Variants in LANCL2 observed in about 807,000 individuals in gnomAD.
The protein encoded by LANCL2 is lanC-like protein 2.
A neutral mutation model predicts 56.9 loss-of-function variants in LANCL2; 33 were observed. The observed-to-expected ratio is 0.58, with a 90% CI of 0.44 to 0.78. The LOEUF is 0.78. Ranked by LOEUF, LANCL2 falls within the 30% of genes least tolerant of loss-of-function variation. The probability of loss-of-function intolerance (pLI) is 0.00; values close to 1 mark genes in which losing one functional copy is unlikely to be tolerated. For synonymous variants in LANCL2, 233 were observed against 228.2 expected, an observed-to-expected ratio of 1.02 and a Z score of -0.19; for missense variants, 562 against 580.2, an observed-to-expected ratio of 0.97 and a Z score of 0.32.
At chr7:55,423,707 G>A (rs1168424653) in intron 6 of LANCL2, among the ~76,000 whole-genome samples, 2 of 152,178 alleles carry the variant, frequency 1.3e-5, no homozygotes, top group African/African-American at 4.8e-5. Context: ...AGCCACTGAG[G>A]TGAAGGAATG....
chr7:55,374,029 C>T (rs572647603), intron 1 of LANCL2, among the ~76,000 whole-genome samples: 2 of 152,156 alleles, frequency 1.3e-5, no homozygotes, highest in Non-Finnish European at 2.9e-5. Context: ...AAAATGAAAC[C>T]TAACTTTTCA....
At chr7:55,428,233 G>A (rs1231436786) in intron 7 of LANCL2, 142 bp from the exon 8 acceptor site, 5 of 699,076 alleles carry the variant, frequency 7.2e-6, no homozygotes, top group Non-Finnish European at 1.3e-5. Context: ...AAGAGGGGGT[G>A]CAGTAGCCCA....
chr7:55,413,421 C>T (rs913517879), intron 6 of LANCL2, among the ~76,000 whole-genome samples: 3 of 152,204 alleles, frequency 2.0e-5, no homozygotes, highest in African/African-American at 7.2e-5. Flanking sequence ...GAGGCTCAGC[C>T]AACACAGCTG....
At chr7:55,377,037 G>A (rs561268373) in intron 1 of LANCL2, among the ~76,000 whole-genome samples, 3 of 152,106 alleles carry the variant, frequency 2.0e-5, no homozygotes, top group South Asian at 2.1e-4. Context: ...TGTTTGCTAC[G>A]CTTCATGCCA....
At chr7:55,366,332 G>A in intron 1 of LANCL2, 103 bp downstream of exon 1, 2 of 1,021,338 alleles carry the variant, frequency 2.0e-6, no homozygotes, top group South Asian at 3.6e-5. Flanking sequence ...CCGGGCTTGG[G>A]AGGGCGCGGG....
chr7:55,423,931 CCT>C (rs749813243), intron 6 of LANCL2, among the ~76,000 whole-genome samples: 2 of 152,154 alleles, frequency 1.3e-5, no homozygotes, highest in Non-Finnish European at 2.9e-5. Context: ...ATTTGCTGTG[CCT>C]CTGTTTCCCG....
chr7:55,429,601 AGAT>A lies in LANCL2; in HGVS notation c.1258+1158_1258+1160del, dbSNP rs567134231. Among the ~76,000 whole-genome samples, 123 of 152,382 alleles carry A rather than the reference AGAT, an allele frequency of 8.1e-4. 1 individual carries two copies. The highest frequency in any genetic ancestry group is 4.6e-3 in the Admixed American group (71 of 15,308). ...GAGCATGTGTCACATGTTTTGCAGA[AGAT>A]GATCTTTTTTAATATTCAGAGAACT... On this transcript the variant is annotated intron_variant, in intron 8 of 8. Coordinates refer to ENST00000254770, the MANE Select transcript of LANCL2 (RefSeq NM_018697.4).
intron 6 of LANCL2, among the ~76,000 whole-genome samples, chr7:55,416,543 A>C (rs1790541927): frequency 6.6e-6 from 1 of 152,142 alleles, no homozygotes; most frequent in African/African-American, 2.4e-5. Flanking sequence ...GGTCTCCCAA[A>C]GTGCTGGAAT....
chr7:55,390,508 A>G (rs1348533905), intron 1 of LANCL2, among the ~76,000 whole-genome samples: 1 of 152,210 alleles, frequency 6.6e-6, no homozygotes, highest in Non-Finnish European at 1.5e-5. Flanking sequence ...CAGGAGGCTG[A>G]GGCAGGAGAA....
chr7:55,393,469 T>G (rs1790215080), intron 2 of LANCL2, among the ~76,000 whole-genome samples: 1 of 152,094 alleles, frequency 6.6e-6, no homozygotes, highest in Non-Finnish European at 1.5e-5. Context: ...AGGCGGAGGT[T>G]GTAGTGAGCT....
chr7:55,394,341 G>T (rs76254331), intron 2 of LANCL2, among the ~76,000 whole-genome samples: 1 of 152,168 alleles, frequency 6.6e-6, no homozygotes, highest in Non-Finnish European at 1.5e-5. Context: ...GGAGATGGAG[G>T]TGGGAGGATG....
At chr7:55,415,727 T>A (rs1790529021) in intron 6 of LANCL2, among the ~76,000 whole-genome samples, 1 of 150,056 alleles carries the variant, frequency 6.7e-6, no homozygotes, top group Non-Finnish European at 1.5e-5. Flanking sequence ...GGTTCTTGTG[T>A]GTTAGCCTCC....
rs567210875 is a variant in LANCL2, at chr7:55,432,656, C to T, written c.*1336C>T. 6.6e-6 allele frequency: 1 copy of T among 152,126 alleles called. No homozygotes were observed. The highest frequency in any genetic ancestry group is 1.5e-5 in the Non-Finnish European group (1 of 68,040). The allele number at this position is 152,126 out of a possible 1,614,324, so 9.4% of individuals were successfully genotyped here. ...CCTGAGCATTTCCCAGCCCCAGTGTCCACACCTCTCAGAAAAGAGAAAAAA... is the reference window on the plus strand; with the variant it reads ...CCTGAGCATTTCCCAGCCCCAGTGTTCACACCTCTCAGAAAAGAGAAAAAA... On this transcript the variant is annotated 3_prime_UTR_variant, in exon 9 of 9. Transcript: ENST00000254770.
intron 6 of LANCL2, among the ~76,000 whole-genome samples, chr7:55,416,984 T>TTTTTTTTTG (rs1562868553): frequency 7.7e-6 from 1 of 130,270 alleles, no homozygotes. Flanking sequence ...TTTTTTTTTT[T>TTTTTTTTTG]TTTTTTTTTT....
At chr7:55,386,997 A>G (rs750735737) in intron 1 of LANCL2, among the ~76,000 whole-genome samples, 2 of 152,228 alleles carry the variant, frequency 1.3e-5, no homozygotes, top group Non-Finnish European at 2.9e-5. Context: ...AATTTGCAGC[A>G]TCATTTGAAG....
intron 1 of LANCL2, among the ~76,000 whole-genome samples, chr7:55,379,105 A>C (rs968815439): frequency 1.3e-5 from 2 of 152,236 alleles, no homozygotes; most frequent in African/African-American, 4.8e-5. Flanking sequence ...AACCAAGATC[A>C]CGCCACTGCA....
Position 55,391,807 on chromosome 7 carries a change from C to T in LANCL2, c.219C>T (p.Phe73=), listed in dbSNP as rs373505312. 4.9e-5 allele frequency: 78 copies of T among 1,592,364 alleles called. No individual in the cohort carries two copies. In the African/African-American group the frequency reaches 7.9e-4, roughly 16 times the overall value. ...TTGGATCTCAGATCATTCATAATTT[C>T]ATAAGACGGATCCAGACCAAAATTA... The part of the protein sequence containing the change: ...FHQDGKIIHN[F]IRRIQTKIKD... Residue 73 remains phenylalanine (F), a synonymous_variant, in exon 2 of 9, where the codon TTC becomes TTT. Coordinates refer to ENST00000254770, the MANE Select transcript of LANCL2 (RefSeq NM_018697.4).
At chr7:55,374,320 A>G (rs1189102846) in intron 1 of LANCL2, among the ~76,000 whole-genome samples, 1 of 152,202 alleles carries the variant, frequency 6.6e-6, no homozygotes, top group Non-Finnish European at 1.5e-5. Flanking sequence ...AATCTAGAAT[A>G]TTTTCTGTTA....
At chr7:55,369,365 C>G (rs952982733) in intron 1 of LANCL2, among the ~76,000 whole-genome samples, 4 of 152,216 alleles carry the variant, frequency 2.6e-5, no homozygotes, top group Non-Finnish European at 4.4e-5. Flanking sequence ...GTCATTCACT[C>G]TATCTCATTT....
Sources: allele counts gnomAD v4.1 joint callset (sites outside exome capture counted in the v4.1 genomes callset), GRCh38; gene constraint gnomAD v4.1.1; transcripts MANE v1.5; gene names NCBI Gene and HGNC (gene_info 2026-07-23, HGNC 2026-07-21).